The following RFX2 variants were observed in gnomAD, a reference collection of about 807,000 sequenced individuals.
RFX2 encodes regulatory factor X2, also known as DNA-binding protein RFX2.
Under a neutral mutation model 87.8 loss-of-function variants are expected in RFX2, and 20 were observed. That is an observed-to-expected ratio of 0.23 (90% CI 0.16 to 0.33). The LOEUF (loss-of-function observed/expected upper bound fraction) is 0.33, where lower values mean the gene tolerates loss of function less well. Ranked by LOEUF, RFX2 falls within the 10% of genes least tolerant of loss-of-function variation. The probability of loss-of-function intolerance (pLI) is 1.00; values close to 1 mark genes in which losing one functional copy is unlikely to be tolerated. For missense variants in RFX2, 767 were observed against 1,012.3 expected, an observed-to-expected ratio of 0.76 and a Z score of 3.29; for synonymous variants, 397 against 431.3, an observed-to-expected ratio of 0.92 and a Z score of 0.98.
In RFX2 at chr19:5,993,689, G is replaced by A. The variant is rs551725561; in HGVS notation, c.*1146C>T. On this transcript the variant is annotated 3_prime_UTR_variant, in exon 18 of 18. Transcript: ENST00000303657. The stretch of plus-strand genomic sequence containing the variant: ...TGGTTTGGGGACAGAACTCCAGCAC[G>A]CAGCTGTCCAACTGCAGCGGCTACG... The A allele has an allele frequency of 2.0e-5, 3 of 152,326 alleles. No individual in the cohort carries two copies. Among genetic ancestry groups the A allele is most frequent in the South Asian group, 4.1e-4 (2 of 4,832 alleles). 9.4% of individuals were successfully genotyped at this position (152,326 alleles called of 1,614,324 possible). A position where few individuals can be genotyped will look rare whatever the true frequency, so the allele number is the denominator to read the frequency against.
Position 6,023,906 on chromosome 19 carries a change from A to G in RFX2, c.597+2257T>C, listed in dbSNP as rs2086852947. Among the ~76,000 whole-genome samples, 1 of 151,872 alleles carries G rather than the reference A, an allele frequency of 6.6e-6. No individual in the cohort carries two copies. The highest frequency in any genetic ancestry group is 2.4e-5 in the African/African-American group (1 of 41,298). The stretch of plus-strand genomic sequence containing the variant: ...GCGATTCTCCTGTCTCAGCCTCCAG[A>G]GTAGCTGGGACTACAGGCATGTGCC... On this transcript the variant is annotated intron_variant, in intron 6 of 17. Coordinates refer to ENST00000303657, the MANE Select transcript of RFX2 (RefSeq NM_000635.4). The surrounding 1 kb of genome is among the most constrained non-coding windows in gnomAD (Gnocchi z 4.9).
intron 1 of RFX2, among the ~76,000 whole-genome samples, chr19:6,069,091 C>A (rs2087557170): frequency 6.6e-6 from 1 of 152,108 alleles, no homozygotes; most frequent in Admixed American, 6.5e-5. Flanking sequence ...CTGGAGAGCA[C>A]TTGGGAGTTG....
At chr19:6,025,219 C>T (rs1476492247) in intron 6 of RFX2, among the ~76,000 whole-genome samples, 1 of 152,118 alleles carries the variant, frequency 6.6e-6, no homozygotes, top group Non-Finnish European at 1.5e-5. Flanking sequence ...CTCTGTTGTC[C>T]CTGGAAATAA....
rs1160132463 is a variant in RFX2 at position 6,101,031 on chromosome 19, T to G, written c.-9+9362A>C. Among the ~76,000 whole-genome samples the G allele has an allele frequency of 6.6e-6, 1 of 152,216 alleles. No homozygotes were observed. Among genetic ancestry groups the G allele is most frequent in the East Asian group, 1.9e-4 (1 of 5,198 alleles). The stretch of plus-strand genomic sequence containing the variant: ...TTTTAACTTAGGCTCTGAATATCAG[T>G]TGCCAATGGTTTCTAACAATTTTAA... On this transcript the variant is annotated intron_variant, in intron 1 of 17. Transcript: ENST00000303657. The surrounding 1 kb of genome is among the most constrained non-coding windows in gnomAD (Gnocchi z 4.9).
Position 5,994,135 on chromosome 19 carries a change from CTGCCGGGACACAGCGAT to C in RFX2, c.*683_*699del, listed in dbSNP as rs2145337191. 6.6e-6 allele frequency: 1 copy of C among 152,386 alleles called. No individual in the cohort carries two copies. Among genetic ancestry groups the C allele is most frequent in the South Asian group, 2.1e-4 (1 of 4,830 alleles). 9.4% of individuals were successfully genotyped at this position (152,386 alleles called of 1,614,324 possible). A position where few individuals can be genotyped will look rare whatever the true frequency, so the allele number is the denominator to read the frequency against. ...GCTTGTTCTTTTTCGAGCTGCGGAT[CTGCCGGGACACAGCGAT>C]TGTCAGCTGCCCCTCAAGTCCTTTG... On this transcript the variant is annotated 3_prime_UTR_variant, in exon 18 of 18. Coordinates refer to ENST00000303657, the MANE Select transcript of RFX2 (RefSeq NM_000635.4).
chr19:6,057,606 G>A (rs1273297630), intron 1 of RFX2, among the ~76,000 whole-genome samples: 1 of 152,204 alleles, frequency 6.6e-6, no homozygotes, highest in Non-Finnish European at 1.5e-5. Context: ...ATTGGCTGAT[G>A]AGCCTCGGTG....
In RFX2 at chr19:6,017,994, A is replaced by C. The variant is rs1202258249; in HGVS notation, c.598-1723T>G. ...TCTCCCTTTAATTATTTATTTATTG[A>C]AATGGAGTCTCACTCTGTCACCCAG... On this transcript the variant is annotated intron_variant, in intron 6 of 17. Coordinates refer to ENST00000303657, the MANE Select transcript of RFX2 (RefSeq NM_000635.4). The surrounding 1 kb of genome is among the most constrained non-coding windows in gnomAD (Gnocchi z 4.1). Among the ~76,000 whole-genome samples, 1 of 147,244 alleles carries C rather than the reference A, an allele frequency of 6.8e-6. No individual in the cohort carries two copies. The highest frequency in any genetic ancestry group is 6.8e-5 in the Admixed American group (1 of 14,678).
chr19:6,025,256 C>A (rs2086872373), intron 6 of RFX2, among the ~76,000 whole-genome samples: 1 of 152,170 alleles, frequency 6.6e-6, no homozygotes, highest in South Asian at 2.1e-4. Context: ...GTCCCCCAGT[C>A]CCATCCTGCT....
intron 15 of RFX2, among the ~76,000 whole-genome samples, chr19:6,000,188 TTGGCCAGTC>T (rs1174146921): frequency 6.6e-6 from 1 of 152,222 alleles, no homozygotes; most frequent in Non-Finnish European, 1.5e-5. Flanking sequence ...TTTCGCCATG[TTGGCCAGTC>T]TGGTCTTGAA....
Position 5,994,538 on chromosome 19 carries a change from C to T in RFX2, c.*297G>A, listed in dbSNP as rs1028759959. The T allele has an allele frequency of 2.5e-6, 1 of 401,234 alleles. No homozygotes were observed. Among genetic ancestry groups the T allele is most frequent in the Non-Finnish European group, 4.6e-6 (1 of 219,338 alleles). 24.9% of individuals were successfully genotyped at this position (401,234 alleles called of 1,614,324 possible). The stretch of plus-strand genomic sequence containing the variant: ...GGGACTGGGGCCAAAGTCCAGGGTT[C>T]CAGCAGAGGAGGGTTTGTCCAGAAT... On this transcript the variant is annotated 3_prime_UTR_variant, in exon 18 of 18. Transcript: ENST00000303657.
At chr19:6,069,229 T>G (rs1055933479) in intron 1 of RFX2, among the ~76,000 whole-genome samples, 1 of 152,198 alleles carries the variant, frequency 6.6e-6, no homozygotes, top group East Asian at 1.9e-4. Context: ...GAATGCAGGC[T>G]GGAGCCATCA....
intron 1 of RFX2, among the ~76,000 whole-genome samples, chr19:6,096,430 TTTTTGTTTTGTTTTGTTTTG>T (rs139772504): frequency 0.034 from 5,171 of 151,148 alleles, 324 homozygotes; most frequent in African/African-American, 0.12. Context: ...TCGTTTTTGT[TTTTTGTTTTGTTTTGTTTTG>T]TTTTGTTTTG....
chr19:6,067,027 T>A (rs2087524393), intron 1 of RFX2, among the ~76,000 whole-genome samples: 1 of 152,172 alleles, frequency 6.6e-6, no homozygotes, highest in Non-Finnish European at 1.5e-5. Flanking sequence ...GGAAAACAGT[T>A]TACCATATTT....
intron 10 of RFX2, 63 bp downstream of exon 10, chr19:6,008,043 C>A: frequency 7.9e-7 from 1 of 1,272,854 alleles, no homozygotes; most frequent in South Asian, 1.3e-5. Context: ...GACGCCTGGC[C>A]TGAGCGCTGG....
At chr19:6,067,311 C>A (rs1210026014) in intron 1 of RFX2, among the ~76,000 whole-genome samples, 1 of 152,152 alleles carries the variant, frequency 6.6e-6, no homozygotes, top group Admixed American at 6.5e-5. Flanking sequence ...TTGGAAATAT[C>A]ATGTACGTAT....
intron 5 of RFX2, among the ~76,000 whole-genome samples, chr19:6,028,715 A>G (rs1237522831): frequency 1.3e-5 from 2 of 152,206 alleles, no homozygotes; most frequent in South Asian, 2.1e-4. Context: ...ATTAAAAAAA[A>G]AAAAGATGAA....
chr19:6,103,399 A>G (rs2088159124), intron 1 of RFX2, among the ~76,000 whole-genome samples: 1 of 152,232 alleles, frequency 6.6e-6, no homozygotes, highest in African/African-American at 2.4e-5. Context: ...CACTTTCAGG[A>G]AAAAACAACT....
At chr19:6,104,935 T>A (rs1375003263) in intron 1 of RFX2, among the ~76,000 whole-genome samples, 2 of 151,980 alleles carry the variant, frequency 1.3e-5, no homozygotes, top group East Asian at 3.9e-4. Context: ...TTGGCCAGCA[T>A]GGTGAAACCC....
In RFX2 at chr19:6,075,720, A is replaced by G. The variant is rs76778722; in HGVS notation, c.-8-28216T>C. Among the ~76,000 whole-genome samples, 692 of 152,250 alleles carry G rather than the reference A, an allele frequency of 4.5e-3. 8 individuals carry two copies. The East Asian group carries it at 0.071, about 16-fold the overall frequency. On this transcript the variant is annotated intron_variant, in intron 1 of 17. Coordinates refer to ENST00000303657, the MANE Select transcript of RFX2 (RefSeq NM_000635.4). The stretch of plus-strand genomic sequence containing the variant: ...CAGTTTTGGGTGACAGAAGCCTCAG[A>G]TGCCCATCAGATGACACCCACATGC...
Sources: gnomAD v4.1 joint callset for allele counts (sites outside exome capture counted in the v4.1 genomes callset) on GRCh38, gnomAD v4.1.1 for gene constraint, Gnocchi (gnomAD v3.1) non-coding constraint, MANE v1.5 for transcripts, NCBI Gene and HGNC (gene_info 2026-07-23, HGNC 2026-07-21) for gene names.